GRID2: variants seen among roughly 807,000 people sequenced by gnomAD.
The protein encoded by GRID2 is glutamate receptor ionotropic, delta-2.
GRID2 carries 33 observed loss-of-function variants against 114.8 expected under a neutral mutation model. That is an observed-to-expected ratio of 0.29 (90% CI 0.22 to 0.38). The LOEUF (loss-of-function observed/expected upper bound fraction) is 0.38. GRID2 is among the 10% of genes least tolerant of loss of function. The probability of loss-of-function intolerance (pLI) is 1.00; values close to 1 mark genes in which losing one functional copy is unlikely to be tolerated. For missense variants in GRID2, 1,184 were observed against 1,257.7 expected (o/e 0.94, Z 0.89); for synonymous variants, 505 against 449.9 (o/e 1.12, Z -1.55).
intron 2 of GRID2, among the ~76,000 whole-genome samples, chr4:92,962,366 G>A (rs557117851): frequency 6.6e-6 from 1 of 151,876 alleles, no homozygotes; most frequent in East Asian, 1.9e-4. Context: ...CTTTTAGTGA[G>A]CCTGTGCCTC....
chr4:93,589,752 G>A (rs1043156677), intron 13 of GRID2, among the ~76,000 whole-genome samples: 1 of 152,106 alleles, frequency 6.6e-6, no homozygotes, highest in South Asian at 2.1e-4. Flanking sequence ...ATTCTAACTG[G>A]TGTGAGATGG....
chr4:92,317,083 T>C (rs1726026549), intron 1 of GRID2, among the ~76,000 whole-genome samples: 1 of 152,172 alleles, frequency 6.6e-6, no homozygotes, highest in South Asian at 2.1e-4. Context: ...TAATACTGTA[T>C]ATCAGATATT....
chr4:92,433,272 G>A (rs1041598286), intron 1 of GRID2, among the ~76,000 whole-genome samples: 17 of 152,178 alleles, frequency 1.1e-4, no homozygotes, highest in African/African-American at 3.9e-4. Context: ...ACTATGTCAT[G>A]TACACCTCAA....
At chr4:93,318,022 T>TATATATATATATATATATATATATATATA (rs3043886) in intron 8 of GRID2, among the ~76,000 whole-genome samples, 8 of 134,076 alleles carry the variant, frequency 6.0e-5, no homozygotes, top group Admixed American at 3.1e-4. Context: ...TATATATATA[T>TATATATATATATATATATATATATATATA]TACTACTTTC....
intron 13 of GRID2, among the ~76,000 whole-genome samples, chr4:93,546,990 T>C (rs1051188754): frequency 6.6e-6 from 1 of 152,128 alleles, no homozygotes; most frequent in Non-Finnish European, 1.5e-5. Flanking sequence ...TCTAGGGTCT[T>C]TCTAATTTTG....
intron 11 of GRID2, among the ~76,000 whole-genome samples, chr4:93,479,212 TTA>T (rs1317474430): frequency 1.3e-5 from 2 of 152,084 alleles, no homozygotes; most frequent in Non-Finnish European, 2.9e-5. Context: ...TAAAAATACT[TTA>T]TTGCTAAAAA....
chr4:93,556,580 C>T (rs1734336060), intron 13 of GRID2, among the ~76,000 whole-genome samples: 1 of 152,030 alleles, frequency 6.6e-6, no homozygotes, highest in African/African-American at 2.4e-5. Context: ...AAGGAAGCCT[C>T]CAAGAAATAT....
chr4:93,759,669 T>C (rs1204531338), intron 14 of GRID2, among the ~76,000 whole-genome samples: 4 of 152,162 alleles, frequency 2.6e-5, no homozygotes, highest in Admixed American at 2.6e-4. Flanking sequence ...TCTGATAACA[T>C]TGGCAAAGCA....
chr4:93,588,449 G>T (rs142079596), intron 13 of GRID2, among the ~76,000 whole-genome samples: 1 of 152,074 alleles, frequency 6.6e-6, no homozygotes, highest in African/African-American at 2.4e-5. Flanking sequence ...GCAAACAGTC[G>T]ATCACCAGTG....
intron 1 of GRID2, among the ~76,000 whole-genome samples, chr4:93,796,429 G>A (rs1172528732): frequency 6.6e-6 from 1 of 152,164 alleles, no homozygotes; most frequent in Non-Finnish European, 1.5e-5. Flanking sequence ...TTGGAGACAA[G>A]CAGAGGGGAA....
intron 10 of GRID2, among the ~76,000 whole-genome samples, chr4:93,442,914 A>C (rs1721752628): frequency 6.6e-6 from 1 of 151,800 alleles, no homozygotes; most frequent in South Asian, 2.1e-4. Flanking sequence ...GTGTATGGCA[A>C]CTCCAATTTT....
intron 2 of GRID2, among the ~76,000 whole-genome samples, chr4:92,651,900 A>G (rs550329119): frequency 6.6e-6 from 1 of 152,110 alleles, no homozygotes; most frequent in Non-Finnish European, 1.5e-5. Flanking sequence ...AACAAGGCCA[A>G]AGTTTTCTTT....
At chr4:93,211,917 A>T (rs1318512934) in intron 5 of GRID2, among the ~76,000 whole-genome samples, 1 of 152,196 alleles carries the variant, frequency 6.6e-6, no homozygotes, top group Non-Finnish European at 1.5e-5. Flanking sequence ...ATTCACCCGC[A>T]TACTTATTCT....
intron 1 of GRID2, among the ~76,000 whole-genome samples, chr4:92,320,812 T>TA (rs1349164330): frequency 2.0e-5 from 3 of 152,150 alleles, no homozygotes; most frequent in African/African-American, 7.2e-5. Context: ...TTCTTTTTTC[T>TA]TAGTATTTCT....
intron 10 of GRID2, 89 bp from the exon 11 acceptor site, chr4:93,455,573 A>G (rs575831759): frequency 2.6e-6 from 2 of 761,504 alleles, no homozygotes; most frequent in South Asian, 1.7e-5. Flanking sequence ...TGAGGCATCT[A>G]TTTTTTTTTC....
chr4:93,382,011 T>C (rs966425975), intron 8 of GRID2, among the ~76,000 whole-genome samples: 3 of 152,112 alleles, frequency 2.0e-5, no homozygotes, highest in African/African-American at 7.2e-5. Context: ...AGGAAATTTT[T>C]GCCAGATATA....
intron 1 of GRID2, among the ~76,000 whole-genome samples, chr4:93,806,190 T>C (rs1056889972): frequency 2.0e-5 from 3 of 152,268 alleles, no homozygotes; most frequent in African/African-American, 7.2e-5. Context: ...ATAAACATAG[T>C]ACAATTTATA....
intron 2 of GRID2, among the ~76,000 whole-genome samples, chr4:93,012,098 A>AAC (rs397731693): frequency 5.3e-5 from 8 of 151,118 alleles, no homozygotes; most frequent in Non-Finnish European, 1.0e-4. Flanking sequence ...AAAAAAAAAA[A>AAC]CATGTATAGT....
chr4:93,053,696 C>T (rs952606208), intron 2 of GRID2, among the ~76,000 whole-genome samples: 2 of 151,886 alleles, frequency 1.3e-5, no homozygotes, highest in Admixed American at 6.6e-5. Flanking sequence ...GATGACTTGA[C>T]CTCAAATAAC....
Sources: allele counts gnomAD v4.1 joint callset (sites outside exome capture counted in the v4.1 genomes callset), GRCh38; gene constraint gnomAD v4.1.1; transcripts MANE v1.5; gene names NCBI Gene and HGNC (gene_info 2026-07-23, HGNC 2026-07-21).